Variants in NFIC observed in about 807,000 individuals in gnomAD.
The protein encoded by NFIC is nuclear factor I C.
NFIC carries 12 observed loss-of-function variants against 54.4 expected under a neutral mutation model. That is an observed-to-expected ratio of 0.22 (90% CI 0.14 to 0.36). The LOEUF (loss-of-function observed/expected upper bound fraction) is 0.36. Among genes scored for constraint, NFIC ranks in the 10% least tolerant of loss-of-function variants. The probability of loss-of-function intolerance (pLI) is 1.00; values close to 1 mark genes in which losing one functional copy is unlikely to be tolerated. For missense variants in NFIC, 575 were observed against 718.2 expected (o/e 0.80, Z 2.28); for synonymous variants, 322 against 319.2 (o/e 1.01, Z -0.09).
At chr19:3,445,005 A>G (rs1235158254) in intron 6 of NFIC, among the ~76,000 whole-genome samples, 2 of 151,888 alleles carry the variant, frequency 1.3e-5, no homozygotes, top group Non-Finnish European at 2.9e-5. Flanking sequence ...GCATTCACAC[A>G]CATAGACACG....
intron 2 of NFIC, among the ~76,000 whole-genome samples, chr19:3,395,492 ATTTTTT>A (rs530190180): frequency 1.0e-3 from 133 of 130,856 alleles, no homozygotes; most frequent in African/African-American, 3.6e-3. Context: ...ACCATGGTTG[ATTTTTT>A]TTTTTTTTTT....
chr19:3,437,149 C>T lies in NFIC; in HGVS notation c.958+1942C>T, dbSNP rs1266577117. Among the ~76,000 whole-genome samples the T allele has an allele frequency of 4.6e-5, 7 of 152,070 alleles. No individual in the cohort carries two copies. The East Asian group carries it at 7.8e-4, about 17-fold the overall frequency. On this transcript the variant is annotated intron_variant, in intron 6 of 10. Transcript: ENST00000443272. Reference sequence around the variant, plus strand: ...TTGGGAGGCCGAGGCAGGCGGATCACGAGGTCAGGAGATCGAGACCATCCC... The same window carrying T: ...TTGGGAGGCCGAGGCAGGCGGATCATGAGGTCAGGAGATCGAGACCATCCC...
At chr19:3,435,003 G>T in intron 5 of NFIC, 80 bp from the exon 6 acceptor site, 4 of 1,465,912 alleles carry the variant, frequency 2.7e-6, no homozygotes, top group Non-Finnish European at 3.7e-6. Flanking sequence ...CTTAAGGACC[G>T]GAAGTAGCAA....
intron 3 of NFIC, among the ~76,000 whole-genome samples, chr19:3,426,496 C>G (rs2082029753): frequency 6.6e-6 from 1 of 152,194 alleles, no homozygotes; most frequent in Non-Finnish European, 1.5e-5. Context: ...CCCCCAGCTC[C>G]TGCCCTTGGC....
chr19:3,417,455 G>A (rs1048333906), intron 2 of NFIC, among the ~76,000 whole-genome samples: 13 of 152,152 alleles, frequency 8.5e-5, no homozygotes, highest in Middle Eastern at 3.4e-3. Flanking sequence ...CTCAGCAGAT[G>A]GAAGCTGCCC....
intron 1 of NFIC, among the ~76,000 whole-genome samples, chr19:3,380,628 C>CT (rs1159916071): frequency 0.013 from 1,282 of 95,950 alleles, 67 homozygotes; most frequent in Non-Finnish European, 0.017. Flanking sequence ...TGCGCCCAGG[C>CT]TTTTTTTTTT....
intron 2 of NFIC, among the ~76,000 whole-genome samples, chr19:3,412,617 CTG>C (rs2081782649): frequency 6.6e-6 from 1 of 152,116 alleles, no homozygotes; most frequent in Non-Finnish European, 1.5e-5. Flanking sequence ...ACATCCCTCT[CTG>C]TGTGATGCTG....
At chr19:3,366,535 G>C (rs1300661964), upstream of NFIC, 16 of 100,066 alleles carry the variant, frequency 1.6e-4, no homozygotes, top group South Asian at 8.6e-4. Context: ...GCCGCGGGGC[G>C]GGGGGGGGGG....
At chr19:3,401,838 CAGCCTCCTGAGT>C (rs1040054153) in intron 2 of NFIC, among the ~76,000 whole-genome samples, 2 of 151,858 alleles carry the variant, frequency 1.3e-5, no homozygotes, top group Non-Finnish European at 2.9e-5. Context: ...TCTCCTGCCT[CAGCCTCCTGAGT>C]AGCTGGGACT....
In NFIC at chr19:3,375,447, C is replaced by T. The variant is rs1372471758; in HGVS notation, c.31-6265C>T. On this transcript the variant is annotated intron_variant, in intron 1 of 10. Transcript: ENST00000443272. This position sits in a 1 kb window ranked among gnomAD's most constrained non-coding sequence, Gnocchi z 4.6. ...CAGCTCTGCTGACCGGCTGTGTGAC[C>T]CTGGACAAACCACTCCCCATCTCTG... Among the ~76,000 whole-genome samples the T allele has an allele frequency of 1.3e-5, 2 of 152,214 alleles. No homozygotes were observed. Among genetic ancestry groups the T allele is most frequent in the Non-Finnish European group, 2.9e-5 (2 of 68,042 alleles).
chr19:3,367,003 C>G (rs2080902372), intron 1 of NFIC, among the ~76,000 whole-genome samples: 1 of 151,434 alleles, frequency 6.6e-6, no homozygotes, highest in Non-Finnish European at 1.5e-5. Flanking sequence ...CGCCCCGACA[C>G]TCGGAAAGGT....
intron 4 of NFIC, 122 bp from the exon 5 acceptor site, chr19:3,434,155 G>C: frequency 7.0e-7 from 1 of 1,422,334 alleles, no homozygotes. Flanking sequence ...CCTAGGAACC[G>C]GGCCAATATG....
At chr19:3,430,064 T>C (rs2082097329) in intron 3 of NFIC, among the ~76,000 whole-genome samples, 1 of 152,082 alleles carries the variant, frequency 6.6e-6, no homozygotes, top group Non-Finnish European at 1.5e-5. Context: ...CTCCCCACCC[T>C]AGCTAGTTCC....
At chr19:3,367,653 G>T (rs2080921375) in intron 1 of NFIC, among the ~76,000 whole-genome samples, 1 of 152,250 alleles carries the variant, frequency 6.6e-6, no homozygotes, top group Non-Finnish European at 1.5e-5. Flanking sequence ...CCGTTTTCTA[G>T]ACCGCTGCTT....
upstream of NFIC, among the ~76,000 whole-genome samples, chr19:3,364,778 G>A (rs576093673): frequency 4.6e-5 from 7 of 152,268 alleles, no homozygotes; most frequent in South Asian, 1.0e-3. Flanking sequence ...GGAAGGCACG[G>A]GGTCTGGAAG....
At position 3,463,767 on chromosome 19, in the gene NFIC, G is replaced by C; in HGVS notation, c.*998G>C. 1 of 985,110 alleles carries C rather than the reference G, an allele frequency of 1.0e-6. No homozygotes were observed. Among genetic ancestry groups the C allele is most frequent in the Non-Finnish European group, 1.2e-6 (1 of 829,942 alleles). 61.0% of individuals were successfully genotyped at this position (985,110 alleles called of 1,614,324 possible). ...GGAGCCCGGACACCCAGAGCTCCCC[G>C]AGTTGGGGGTGCCCGTCTGGAGCGC... On this transcript the variant is annotated 3_prime_UTR_variant, in exon 11 of 11. Transcript: ENST00000443272.
intron 3 of NFIC, among the ~76,000 whole-genome samples, chr19:3,430,471 G>T (rs1156695563): frequency 6.6e-6 from 1 of 151,958 alleles, no homozygotes; most frequent in African/African-American, 2.4e-5. Flanking sequence ...TGATTCTCTT[G>T]CCTCAGCCTT....
rs745783582 is a variant in NFIC, at chr19:3,449,021, G to A, written c.966G>A (p.Ser322=). ...GTCCCATCCCCTCCACAGGCATCTC[G>A]TCCCCGGTGAAGAAGACAGAGATGG... is the stretch of plus-strand genomic sequence containing the variant. The part of the protein sequence containing the change: ...NWTEDMEGGI[S]SPVKKTEMDK... Residue 322 remains serine (S), a synonymous_variant, in exon 7 of 11, where the codon TCG becomes TCA. Coordinates refer to ENST00000443272, the MANE Select transcript of NFIC (RefSeq NM_001245002.2). The A allele has an allele frequency of 9.3e-6, 15 of 1,612,386 alleles. No individual in the cohort carries two copies. The highest frequency in any genetic ancestry group is 2.2e-5 in the East Asian group (1 of 44,796).
At chr19:3,360,400 C>G (rs1270376185) in intron 1 of NFIC, among the ~76,000 whole-genome samples, 1 of 151,316 alleles carries the variant, frequency 6.6e-6, no homozygotes, top group Non-Finnish European at 1.5e-5. Context: ...GGGTCTCGGC[C>G]CGGCGCGCCC....
Sources: gnomAD v4.1 joint callset for allele counts (sites outside exome capture counted in the v4.1 genomes callset) on GRCh38, gnomAD v4.1.1 for gene constraint, Gnocchi (gnomAD v3.1) non-coding constraint, MANE v1.5 for transcripts, NCBI Gene and HGNC (gene_info 2026-07-23, HGNC 2026-07-21) for gene names.